The following GPRC6A variants were observed in gnomAD, a reference collection of about 807,000 sequenced individuals.
GPRC6A encodes the protein G protein-coupled receptor class C group 6 member A.
A neutral mutation model predicts 47.0 loss-of-function variants in GPRC6A; 54 were observed. That is an observed-to-expected ratio of 1.15 (90% CI 0.92 to 1.44). The LOEUF (loss-of-function observed/expected upper bound fraction) is 1.44, where lower values mean the gene tolerates loss of function less well. Ranked by LOEUF, GPRC6A falls within the 40% of genes most tolerant of loss-of-function variation. GPRC6A has a pLI of 0.00. For missense variants in GPRC6A, 1,112 were observed against 1,105.5 expected (o/e 1.01, Z -0.08); for synonymous variants, 347 against 377.1 (o/e 0.92, Z 0.93).
At chr6:116,825,529 A>C in intron 1 of GPRC6A, among the ~76,000 whole-genome samples, 1 of 152,146 alleles carries the variant, frequency 6.6e-6, no homozygotes. Flanking sequence ...GATCTCTACA[A>C]GCAAAACTAT....
At chr6:116,820,710 A>T (rs1773436817) in intron 1 of GPRC6A, among the ~76,000 whole-genome samples, 1 of 151,962 alleles carries the variant, frequency 6.6e-6, no homozygotes, top group Admixed American at 6.6e-5. Context: ...GACATATTTC[A>T]AAATAATAAG....
intron 1 of GPRC6A, among the ~76,000 whole-genome samples, chr6:116,826,382 A>C (rs754303719): frequency 3.0e-4 from 45 of 152,074 alleles, no homozygotes; most frequent in Non-Finnish European, 4.4e-4. Context: ...AAAGAACATG[A>C]ACAGATGATT....
chr6:116,802,220 G>A (rs1051101665), intron 3 of GPRC6A, among the ~76,000 whole-genome samples: 4 of 152,176 alleles, frequency 2.6e-5, no homozygotes, highest in Admixed American at 2.0e-4. Flanking sequence ...AGGAAACAGG[G>A]TGGAAGCAAA....
At chr6:116,803,010 T>C (rs1383073666) in intron 3 of GPRC6A, among the ~76,000 whole-genome samples, 2 of 152,088 alleles carry the variant, frequency 1.3e-5, no homozygotes, top group Admixed American at 6.6e-5. Flanking sequence ...ACACTTACAA[T>C]ACATGTCTCA....
At position 116,828,975 on chromosome 6, in the gene GPRC6A, A is replaced by T; in HGVS notation, c.39T>A (p.Ile13=). ...GGCAAGGCTGTGAAGTAGCAAGAAT[A>T]ATCACAAAGCAGGTAATTAGTATAA... ...FLIILITCFV[I]ILATSQPCQT... is the part of the protein sequence containing the mutation. Residue 13 remains isoleucine (I), a synonymous_variant, in exon 1 of 6, where the codon ATT becomes ATA. Coordinates refer to ENST00000310357, the MANE Select transcript of GPRC6A (RefSeq NM_148963.4). The T allele has an allele frequency of 6.2e-7, 1 of 1,613,216 alleles. No homozygotes were observed.
rs1161722174 is a variant in GPRC6A at position 116,795,719 on chromosome 6, A to G, written c.1665T>C (p.Asn555=). Residue 555 remains asparagine (N), a synonymous_variant, in exon 5 of 6, where the codon AAT becomes AAC. Transcript: ENST00000310357. ...TGGAGTGACTGTGATTACCTGTCTGATTAGTGTAATGATTTTCAGGACAGT... is the reference window on the plus strand; with the variant it reads ...TGGAGTGACTGTGATTACCTGTCTGGTTAGTGTAATGATTTTCAGGACAGT... ...CQNCPENHYT[N]QTDMPHCLLC... is the part of the protein sequence containing the mutation. 5 of 1,609,550 alleles carry G rather than the reference A, an allele frequency of 3.1e-6. No individual in the cohort carries two copies. Among genetic ancestry groups the G allele is most frequent in the Non-Finnish European group, 4.2e-6 (5 of 1,176,978 alleles).
In GPRC6A at chr6:116,828,849, G is replaced by A. The variant is rs759160720; in HGVS notation, c.165C>T (p.Pro55=). The A allele has an allele frequency of 6.2e-7, 1 of 1,612,760 alleles. No individual in the cohort carries two copies. The highest frequency in any genetic ancestry group is 1.3e-5 in the African/African-American group (1 of 74,980). Residue 55 remains proline, a synonymous_variant, in exon 1 of 6, where the codon CCC becomes CCT. Coordinates refer to ENST00000310357, the MANE Select transcript of GPRC6A (RefSeq NM_148963.4). The part of the protein sequence containing the change: ...HEKMLSSEDS[P]RRPQIQECVG... Reference sequence around the variant, plus strand: ...CACACTCCTGGATTTGTGGTCGTCTGGGAGAGTCTTCTGAGGACAACATTT... The same window carrying A: ...CACACTCCTGGATTTGTGGTCGTCTAGGAGAGTCTTCTGAGGACAACATTT...
chr6:116,817,146 C>T, intron 1 of GPRC6A, among the ~76,000 whole-genome samples: 1 of 151,946 alleles, frequency 6.6e-6, no homozygotes, highest in Admixed American at 6.6e-5. Context: ...TGTCTGACAG[C>T]TTTGAAGAGA....
At chr6:116,829,169 C>G, upstream of GPRC6A, 1 of 715,336 alleles carries the variant, frequency 1.4e-6, no homozygotes, top group Non-Finnish European at 2.0e-6. Context: ...TGATGATAGT[C>G]AAAACAGTTA....
intron 1 of GPRC6A, among the ~76,000 whole-genome samples, chr6:116,812,902 C>T (rs893377904): frequency 4.6e-5 from 7 of 152,194 alleles, no homozygotes; most frequent in Admixed American, 4.6e-4. Flanking sequence ...TAAGCAACTT[C>T]AGCAAAGTCT....
At chr6:116,794,461 C>T (rs768425010) in intron 5 of GPRC6A, among the ~76,000 whole-genome samples, 2 of 152,122 alleles carry the variant, frequency 1.3e-5, no homozygotes, top group African/African-American at 2.4e-5. Flanking sequence ...TTTCCTAACT[C>T]CTAGCTTATC....
chr6:116,813,545 G>C (rs1362946666), intron 1 of GPRC6A, among the ~76,000 whole-genome samples: 1 of 152,120 alleles, frequency 6.6e-6, no homozygotes, highest in African/African-American at 2.4e-5. Context: ...TGGGAAAGCT[G>C]GCTAGCCATA....
intron 1 of GPRC6A, among the ~76,000 whole-genome samples, chr6:116,815,086 A>G (rs1159492512): frequency 6.6e-6 from 1 of 152,232 alleles, no homozygotes; most frequent in African/African-American, 2.4e-5. Context: ...AGCAAAAATT[A>G]CCAGATCTAA....
intron 1 of GPRC6A, among the ~76,000 whole-genome samples, chr6:116,824,701 C>G (rs974935571): frequency 6.6e-6 from 1 of 151,876 alleles, no homozygotes; most frequent in Non-Finnish European, 1.5e-5. Flanking sequence ...CAAACTACTC[C>G]AAAAAATTCA....
chr6:116,798,208 A>G (rs1772547200), intron 4 of GPRC6A, among the ~76,000 whole-genome samples: 1 of 141,642 alleles, frequency 7.1e-6, no homozygotes. Context: ...GTGAATAAGA[A>G]CTACTAGGTT....
chr6:116,792,709 T>C lies in GPRC6A; in HGVS notation c.2214A>G (p.Arg738=). The change falls in exon 6 of 6, where the codon AGA becomes AGG. Residue 738 remains arginine (R), a synonymous_variant. Transcript: ENST00000310357. ...PTVEVNVSLP[R]VIILECEEGS... ...CCTCCTCACACTCCAGGATGATGAC[T>C]CTGGGCAAGGAGACATTCACCTCTA... 1 of 1,612,984 alleles carries C rather than the reference T, an allele frequency of 6.2e-7. No homozygotes were observed. Among genetic ancestry groups the C allele is most frequent in the Non-Finnish European group, 8.5e-7 (1 of 1,179,138 alleles).
intron 1 of GPRC6A, among the ~76,000 whole-genome samples, chr6:116,813,712 A>T (rs976492278): frequency 2.6e-5 from 4 of 152,176 alleles, no homozygotes; most frequent in Non-Finnish European, 5.9e-5. Flanking sequence ...GGACTTCATG[A>T]CTAAAACACC....
chr6:116,794,700 G>A (rs909735963), intron 5 of GPRC6A, among the ~76,000 whole-genome samples: 1 of 151,998 alleles, frequency 6.6e-6, no homozygotes, highest in African/African-American at 2.4e-5. Context: ...TTTAGGCAGT[G>A]GTATAGCATT....
In GPRC6A at chr6:116,806,473, A is replaced by C. The variant is rs749070998; in HGVS notation, c.1232T>G (p.Leu411Arg). The C allele has an allele frequency of 1.2e-6, 2 of 1,613,258 alleles. No homozygotes were observed. Among genetic ancestry groups the C allele is most frequent in the African/African-American group, 1.3e-5 (1 of 74,882 alleles). The part of the protein sequence containing the change: ...DFLWDYAEPG[L>R]IHSIQLAVFA... ...CACTGCAAGCTGAATACTATGAATG[A>C]GTCCTGGCTCAGCATAGTCCCAGAG... Residue 411 changes from leucine (L) to arginine (R), a missense_variant, in exon 3 of 6, where the codon CTC becomes CGC. Transcript: ENST00000310357.
Sources: gnomAD v4.1 joint callset for allele counts (sites outside exome capture counted in the v4.1 genomes callset) on GRCh38, gnomAD v4.1.1 for gene constraint, MANE v1.5 for transcripts, NCBI Gene and HGNC (gene_info 2026-07-23, HGNC 2026-07-21) for gene names.